ADORA2B: variants seen among roughly 807,000 people sequenced by gnomAD.
ADORA2B encodes adenosine receptor A2b.
A neutral mutation model predicts 20.8 loss-of-function variants in ADORA2B; 18 were observed. The observed-to-expected ratio is 0.87, with a 90% confidence interval of 0.60 to 1.29. The LOEUF is 1.29. Ranked by LOEUF, ADORA2B falls within the 50% of genes most tolerant of loss-of-function variation. The pLI is 0.00. For synonymous variants in ADORA2B, 179 were observed against 178.3 expected (o/e 1.00, Z -0.03); for missense variants, 441 against 422.7 (o/e 1.04, Z -0.38).
the ADORA2B span, among the ~76,000 whole-genome samples, chr17:15,918,241 C>A: frequency 1.3e-5 from 2 of 152,116 alleles, no homozygotes; most frequent in East Asian, 1.9e-4. Context: ...GGCCCCAGCT[C>A]CTTATACCTT....
chr17:15,944,090 C>G (rs1969767869), upstream of ADORA2B, among the ~76,000 whole-genome samples: 1 of 152,142 alleles, frequency 6.6e-6, no homozygotes, highest in East Asian at 1.9e-4. This position sits in a 1 kb window ranked among gnomAD's most constrained non-coding sequence, Gnocchi z 4.8. Context: ...CACTGCTGAT[C>G]ATTGGGACGT....
At chr17:15,864,274 C>G in the ADORA2B span, 1 of 152,298 alleles carries the variant, frequency 6.6e-6, no homozygotes, top group Non-Finnish European at 1.5e-5. Context: ...TATCATCTTT[C>G]TGTTCTCCTA....
chr17:15,957,760 T>TC (rs976802188), intron 1 of ADORA2B, among the ~76,000 whole-genome samples: 8 of 152,126 alleles, frequency 5.3e-5, no homozygotes, highest in Admixed American at 5.2e-4. Context: ...CCTCTTCCCT[T>TC]CCCCATTTAA....
intron 1 of ADORA2B, among the ~76,000 whole-genome samples, chr17:15,952,779 C>G (rs1379559307): frequency 6.6e-6 from 1 of 152,176 alleles, no homozygotes; most frequent in Non-Finnish European, 1.5e-5. Context: ...GCACCTTCCT[C>G]GGATTGGGGA....
the ADORA2B span, among the ~76,000 whole-genome samples, chr17:15,921,254 T>TA: frequency 2.0e-5 from 3 of 152,208 alleles, no homozygotes; most frequent in Non-Finnish European, 4.4e-5. Context: ...AGGTCTCACT[T>TA]ACAATTTAAA....
At chr17:15,968,989 C>T (rs1384049355) in intron 1 of ADORA2B, among the ~76,000 whole-genome samples, 1 of 152,180 alleles carries the variant, frequency 6.6e-6, no homozygotes, top group Non-Finnish European at 1.5e-5. Flanking sequence ...TCTGAGGTAA[C>T]AGCAGTTCTC....
chr17:15,967,968 CCT>C (rs1970142003), intron 1 of ADORA2B, among the ~76,000 whole-genome samples: 1 of 152,226 alleles, frequency 6.6e-6, no homozygotes, highest in African/African-American at 2.4e-5. Context: ...TGCTTCTTGG[CCT>C]CTCTGTGCGG....
the ADORA2B span, among the ~76,000 whole-genome samples, chr17:15,871,354 A>G: frequency 1.3e-5 from 2 of 152,220 alleles, no homozygotes; most frequent in Non-Finnish European, 2.9e-5. Flanking sequence ...TTTTGGAAAT[A>G]AAACTGAGTA....
chr17:15,926,720 T>C, the ADORA2B span, among the ~76,000 whole-genome samples: 3 of 152,048 alleles, frequency 2.0e-5, no homozygotes, highest in African/African-American at 7.2e-5. Context: ...TCTAAACAGT[T>C]TTTTTGTTGG....
chr17:15,869,374 G>A, the ADORA2B span, among the ~76,000 whole-genome samples: 1 of 151,354 alleles, frequency 6.6e-6, no homozygotes, highest in Non-Finnish European at 1.5e-5. Context: ...CAATAAAGTA[G>A]AAGAGATAGA....
the ADORA2B span, among the ~76,000 whole-genome samples, chr17:15,855,895 T>G: frequency 6.6e-6 from 1 of 152,036 alleles, no homozygotes. Context: ...TTTTGTCCTC[T>G]AGAACTTTTT....
At chr17:15,883,514 TC>T in the ADORA2B span, among the ~76,000 whole-genome samples, 2 of 152,150 alleles carry the variant, frequency 1.3e-5, no homozygotes, top group African/African-American at 4.8e-5. Flanking sequence ...AACCCACAAC[TC>T]CTGAATTATG....
the ADORA2B span, among the ~76,000 whole-genome samples, chr17:15,855,184 G>A: frequency 6.6e-6 from 1 of 152,048 alleles, no homozygotes; most frequent in African/African-American, 2.4e-5. Context: ...ACCCGCCTCG[G>A]CCTCCCAAAG....
the ADORA2B span, among the ~76,000 whole-genome samples, chr17:15,861,346 C>A: frequency 6.6e-6 from 1 of 152,034 alleles, no homozygotes; most frequent in South Asian, 2.1e-4. Context: ...AGGGACTCTG[C>A]CATATATATG....
the ADORA2B span, among the ~76,000 whole-genome samples, chr17:15,930,380 T>A: frequency 3.3e-5 from 5 of 150,640 alleles, no homozygotes; most frequent in Non-Finnish European, 3.0e-5. Flanking sequence ...CACTGCAGCC[T>A]CCGCCTCCCA....
At chr17:15,964,480 G>T (rs1597428616) in intron 1 of ADORA2B, among the ~76,000 whole-genome samples, 1 of 151,278 alleles carries the variant, frequency 6.6e-6, no homozygotes, top group South Asian at 2.1e-4. Context: ...GTGGTGGCAG[G>T]CGCCTGTAAT....
At chr17:15,941,835 T>A (rs1483623998), upstream of ADORA2B, among the ~76,000 whole-genome samples, 1 of 151,776 alleles carries the variant, frequency 6.6e-6, no homozygotes, top group Admixed American at 6.6e-5. Flanking sequence ...TTATAATATT[T>A]AATAATAATA....
At chr17:15,919,713 T>A in the ADORA2B span, among the ~76,000 whole-genome samples, 1 of 151,580 alleles carries the variant, frequency 6.6e-6, no homozygotes, top group Non-Finnish European at 1.5e-5. Context: ...GGTACAGCAG[T>A]GGATGTGCCC....
At chr17:15,860,073 C>A in the ADORA2B span, among the ~76,000 whole-genome samples, 1 of 152,170 alleles carries the variant, frequency 6.6e-6, no homozygotes, top group African/African-American at 2.4e-5. Context: ...AAGCACTGTC[C>A]TGTTCTGTTC....
Sources: allele counts gnomAD v4.1 joint callset (sites outside exome capture counted in the v4.1 genomes callset), GRCh38; gene constraint gnomAD v4.1.1; non-coding constraint Gnocchi (gnomAD v3.1); transcripts MANE v1.5; gene names NCBI Gene and HGNC (gene_info 2026-07-23, HGNC 2026-07-21).